Variants in CAPRIN1 observed in about 807,000 individuals in gnomAD.
The protein encoded by CAPRIN1 is caprin-1.
In CAPRIN1, 29 loss-of-function variants were observed where a neutral mutation model predicts 100.9. That is an observed-to-expected ratio of 0.29 (90% CI 0.21 to 0.39). The LOEUF (loss-of-function observed/expected upper bound fraction) is 0.39, where lower values mean the gene tolerates loss of function less well. Among genes scored for constraint, CAPRIN1 ranks in the 10% least tolerant of loss-of-function variants. The probability of loss-of-function intolerance (pLI) is 1.00; values close to 1 mark genes in which losing one functional copy is unlikely to be tolerated. For missense variants in CAPRIN1, 795 were observed against 876.7 expected (o/e 0.91, Z 1.18); for synonymous variants, 338 against 307.5 (o/e 1.10, Z -1.04).
chr11:34,093,498 C>T (rs1375888537), intron 15 of CAPRIN1, among the ~76,000 whole-genome samples: 1 of 152,124 alleles, frequency 6.6e-6, no homozygotes, highest in African/African-American at 2.4e-5. Context: ...ATTTTGTCAG[C>T]CCGATTTTGA....
chr11:34,070,033 AAGGG>A, intron 2 of CAPRIN1, among the ~76,000 whole-genome samples: 1 of 152,248 alleles, frequency 6.6e-6, no homozygotes, highest in Admixed American at 6.5e-5. Flanking sequence ...TATTATTGGT[AAGGG>A]GGTAAGGAAC....
intron 2 of CAPRIN1, among the ~76,000 whole-genome samples, chr11:34,067,868 A>G (rs1850729503): frequency 6.6e-6 from 1 of 152,100 alleles, no homozygotes; most frequent in African/African-American, 2.4e-5. Flanking sequence ...ATAATGTTCC[A>G]TGAAGATGTG....
At chr11:34,088,056 G>T (rs533405175) in intron 11 of CAPRIN1, among the ~76,000 whole-genome samples, 29 of 152,252 alleles carry the variant, frequency 1.9e-4, no homozygotes, top group Middle Eastern at 3.4e-3. Context: ...GGAGTGCAGT[G>T]GCGCATTCTT....
chr11:34,064,270 A>G lies in CAPRIN1; in HGVS notation c.217-7456A>G, dbSNP rs1306200364. Among the ~76,000 whole-genome samples, 5 of 152,250 alleles carry G rather than the reference A, an allele frequency of 3.3e-5. No individual in the cohort carries two copies. In the East Asian group the frequency reaches 5.8e-4, roughly 18 times the overall value. On this transcript the variant is annotated intron_variant, in intron 2 of 18. Transcript: ENST00000341394. ...CCTATCTTACCATTCTGTTCTTAGTATAATGTTGGATCTGTCAATGTGACA... is the reference window on the plus strand; with the variant it reads ...CCTATCTTACCATTCTGTTCTTAGTGTAATGTTGGATCTGTCAATGTGACA...
At chr11:34,064,749 TTC>T (rs2134094281) in intron 2 of CAPRIN1, among the ~76,000 whole-genome samples, 1 of 152,264 alleles carries the variant, frequency 6.6e-6, no homozygotes, top group African/African-American at 2.4e-5. Flanking sequence ...CCTTTGTTTT[TTC>T]TCTCTCACCT....
intron 2 of CAPRIN1, among the ~76,000 whole-genome samples, chr11:34,065,647 C>G (rs563763594): frequency 5.0e-4 from 76 of 152,208 alleles, no homozygotes; most frequent in Non-Finnish European, 9.6e-4. Flanking sequence ...CTTCCCAGCT[C>G]AGATTCCATG....
chr11:34,069,565 A>G (rs1850770141), intron 2 of CAPRIN1, among the ~76,000 whole-genome samples: 1 of 152,148 alleles, frequency 6.6e-6, no homozygotes, highest in Non-Finnish European at 1.5e-5. Context: ...AAAAAAGAGA[A>G]TGAACTATCT....
At chr11:34,052,804 G>A (rs1850355404) in intron 2 of CAPRIN1, 168 bp downstream of exon 2, 7 of 1,449,240 alleles carry the variant, frequency 4.8e-6, no homozygotes, top group Non-Finnish European at 6.4e-6. Flanking sequence ...CGGGAGCTTC[G>A]TGCCCAGAAA....
chr11:34,054,917 CATT>C (rs1448516342), intron 2 of CAPRIN1, among the ~76,000 whole-genome samples: 23 of 152,004 alleles, frequency 1.5e-4, no homozygotes, highest in Non-Finnish European at 4.4e-5. Flanking sequence ...AGTGTAGAGA[CATT>C]AATGACTGAA....
At position 34,102,332 on chromosome 11, in the gene CAPRIN1, A is replaced by G. The variant is rs1000360840; in HGVS notation, c.*2965A>G. 3.9e-5 allele frequency among the ~76,000 whole-genome samples: 6 copies of G among 152,200 alleles called. No homozygotes were observed. The highest frequency in any genetic ancestry group is 1.2e-4 in the African/African-American group (5 of 41,446). On this transcript the variant is annotated 3_prime_UTR_variant, in exon 19 of 19. Transcript: ENST00000341394. ...GGAATGCAGATAAGTGCCGAATTCA[A>G]ACCCTTCATTTTATGTTTAAGCTCC... is the stretch of plus-strand genomic sequence containing the variant.
intron 2 of CAPRIN1, among the ~76,000 whole-genome samples, chr11:34,059,619 A>G (rs1030318519): frequency 2.6e-5 from 4 of 152,216 alleles, no homozygotes; most frequent in Non-Finnish European, 5.9e-5. Context: ...GAGACTATTA[A>G]CATTACTTTG....
At chr11:34,089,790 A>G (rs1480039369) in intron 12 of CAPRIN1, among the ~76,000 whole-genome samples, 14 of 151,884 alleles carry the variant, frequency 9.2e-5, no homozygotes, top group Admixed American at 9.2e-4. Context: ...TTTCCTCTTG[A>G]TGACTTTTTA....
rs201684569 is a variant in CAPRIN1, at chr11:34,052,544, C to T, written c.124C>T (p.Pro42Ser). 6 of 1,608,756 alleles carry T rather than the reference C, an allele frequency of 3.7e-6. No individual in the cohort carries two copies. Among genetic ancestry groups the T allele is most frequent in the Non-Finnish European group, 5.1e-6 (6 of 1,178,314 alleles). Residue 42 changes from proline to serine, a missense_variant, in exon 2 of 19, where the codon CCC becomes TCC. This residue lies in a region of CAPRIN1 where 109 missense variants were observed against 86.6 expected (regional missense o/e 1.26). Transcript: ENST00000341394. Reference protein sequence around the residue: ...AGAAAPASQHPATGTGAVQTE... With the variant: ...AGAAAPASQHSATGTGAVQTE... ...GGCCGCCGCGCCGGCTTCTCAGCAC[C>T]CCGCAACCGGCACCGGCGCTGTCCA...
At chr11:34,075,353 T>C (rs900404491) in intron 4 of CAPRIN1, among the ~76,000 whole-genome samples, 5 of 152,174 alleles carry the variant, frequency 3.3e-5, no homozygotes, top group African/African-American at 1.2e-4. Flanking sequence ...ACCATGGCTT[T>C]TGAGAAGACT....
intron 2 of CAPRIN1, among the ~76,000 whole-genome samples, chr11:34,060,580 C>T (rs1253220949): frequency 2.0e-5 from 3 of 152,198 alleles, no homozygotes; most frequent in Non-Finnish European, 4.4e-5. Flanking sequence ...TGGGCTTACA[C>T]TTTGAGTTAC....
chr11:34,092,156 TTC>T (rs1254228672), intron 15 of CAPRIN1, 100 bp downstream of exon 15: 25 of 1,236,654 alleles, frequency 2.0e-5, no homozygotes, highest in Admixed American at 2.7e-5. Flanking sequence ...GTCCAAGAGT[TTC>T]TGTTTTAGTA....
chr11:34,053,033 G>A (rs914237328), intron 2 of CAPRIN1: 185 of 1,041,882 alleles, frequency 1.8e-4, no homozygotes, highest in Non-Finnish European at 2.1e-4. Flanking sequence ...AGGTCCCTGC[G>A]CGGGGGGCTC....
intron 2 of CAPRIN1, chr11:34,056,642 G>A (rs1850459101): frequency 6.6e-6 from 1 of 152,100 alleles, no homozygotes; most frequent in African/African-American, 2.4e-5. Context: ...TGGGCCCTAG[G>A]CTATGCAAGA....
At chr11:34,097,154 T>A in intron 16 of CAPRIN1, 42 bp from the exon 17 acceptor site, 1 of 1,390,924 alleles carries the variant, frequency 7.2e-7, no homozygotes, top group Non-Finnish European at 1.0e-6. Context: ...AAATTCCTTG[T>A]GAAGATAAGA....
Sources: allele counts gnomAD v4.1 joint callset (sites outside exome capture counted in the v4.1 genomes callset), GRCh38; gene constraint gnomAD v4.1.1; regional missense constraint gnomAD v4.1.1; transcripts MANE v1.5; gene names NCBI Gene and HGNC (gene_info 2026-07-23, HGNC 2026-07-21).